The following PCDHGB7 variants were observed in gnomAD, a reference collection of about 807,000 sequenced individuals.
The protein encoded by PCDHGB7 is protocadherin gamma subfamily B, 7.
A neutral mutation model predicts 61.4 loss-of-function variants in PCDHGB7; 37 were observed. That is an observed-to-expected ratio of 0.60 (90% CI 0.46 to 0.79). The LOEUF (loss-of-function observed/expected upper bound fraction) is 0.79. PCDHGB7 is among the 30% of genes least tolerant of loss of function. The pLI is 0.00. For synonymous variants in PCDHGB7, 464 were observed against 503.5 expected (o/e 0.92, Z 1.05); for missense variants, 1,166 against 1,202.5 (o/e 0.97, Z 0.45).
intron 1 of PCDHGB7, chr5:141,422,952 C>A (rs759618535): frequency 6.2e-7 from 1 of 1,614,254 alleles, no homozygotes; most frequent in Non-Finnish European, 8.5e-7. Context: ...GCTCCACTGG[C>A]GTGGAGCTGG....
At chr5:141,458,438 C>T (rs2098945825) in intron 1 of PCDHGB7, among the ~76,000 whole-genome samples, 1 of 152,024 alleles carries the variant, frequency 6.6e-6, no homozygotes, top group Non-Finnish European at 1.5e-5. Flanking sequence ...GAGGAGGTCC[C>T]CCACATTAAC....
chr5:141,483,833 G>A (rs964111814), intron 1 of PCDHGB7, among the ~76,000 whole-genome samples: 1 of 152,116 alleles, frequency 6.6e-6, no homozygotes, highest in Admixed American at 6.5e-5. Flanking sequence ...CCTAGGTAAG[G>A]ACTTGGTTGA....
intron 1 of PCDHGB7, chr5:141,422,871 G>T (rs769543752): frequency 3.7e-6 from 6 of 1,614,098 alleles, no homozygotes; most frequent in Non-Finnish European, 5.1e-6. Context: ...GCAACGTGTC[G>T]CTGAGCCTGT....
In PCDHGB7 at chr5:141,431,889, A is replaced by G; in HGVS notation, c.2415+11615A>G. 1 of 1,614,170 alleles carries G rather than the reference A, an allele frequency of 6.2e-7. No homozygotes were observed. The highest frequency in any genetic ancestry group is 2.2e-5 in the East Asian group (1 of 44,888). On this transcript the variant is annotated intron_variant, in intron 1 of 3. Transcript: ENST00000398594. The surrounding 1 kb of genome is among the most constrained non-coding windows in gnomAD (Gnocchi z 4.8). The stretch of plus-strand genomic sequence containing the variant: ...TTAAATGTAAATGACCAAGATTCTG[A>G]GGAAAACGGACAGGTGATCTGTTTC...
chr5:141,510,222 G>A (rs891688596), intron 3 of PCDHGB7, among the ~76,000 whole-genome samples: 3 of 151,498 alleles, frequency 2.0e-5, no homozygotes, highest in Admixed American at 6.6e-5. Context: ...GCAGTGAGCC[G>A]GGATCGCGCC....
At chr5:141,451,468 C>G (rs2098716484) in intron 1 of PCDHGB7, among the ~76,000 whole-genome samples, 1 of 152,202 alleles carries the variant, frequency 6.6e-6, no homozygotes, top group South Asian at 2.1e-4. Context: ...AGGTCTACCT[C>G]AGTTCCTTGC....
At chr5:141,499,289 C>T in intron 2 of PCDHGB7, among the ~76,000 whole-genome samples, 1 of 152,212 alleles carries the variant, frequency 6.6e-6, no homozygotes, top group African/African-American at 2.4e-5. Context: ...GATGGCTCCA[C>T]ACTACCATCC....
rs1188941232 is a variant in PCDHGB7, at chr5:141,512,270, G to A, written c.*1097G>A. ...TCTGTGGGTGCTGGGTACTCCAGAG[G>A]TGCCACTGGTGGAAGGGTCAGCGGA... On this transcript the variant is annotated 3_prime_UTR_variant, in exon 4 of 4. Coordinates refer to ENST00000398594, the MANE Select transcript of PCDHGB7 (RefSeq NM_018927.4). The A allele has an allele frequency of 1.3e-5, 2 of 152,714 alleles. No individual in the cohort carries two copies. The highest frequency in any genetic ancestry group is 2.9e-5 in the Non-Finnish European group (2 of 68,100). The allele number at this position is 152,714 out of a possible 1,614,324, so 9.5% of individuals were successfully genotyped here.
chr5:141,477,245 A>G lies in PCDHGB7; in HGVS notation c.2416-17562A>G. On this transcript the variant is annotated intron_variant, in intron 1 of 3. Transcript: ENST00000398594. The surrounding 1 kb of genome is among the most constrained non-coding windows in gnomAD (Gnocchi z 4.9). ...GACTGTCATCGCTTTGCTCAGTGTG[A>G]CTGACCTGGATGCTGGCGAGAACGG... 3.7e-6 allele frequency: 6 copies of G among 1,614,128 alleles called. No homozygotes were observed. The highest frequency in any genetic ancestry group is 5.1e-6 in the Non-Finnish European group (6 of 1,180,026).
chr5:141,432,991 C>T lies in PCDHGB7; in HGVS notation c.2415+12717C>T. ...CGGCGTCGCACTTTGTGGGCGTGGA[C>T]GGGGTGCAGGCTTTCCTGCAGACCT... is the stretch of plus-strand genomic sequence containing the variant. On this transcript the variant is annotated intron_variant, in intron 1 of 3. Coordinates refer to ENST00000398594, the MANE Select transcript of PCDHGB7 (RefSeq NM_018927.4). This position sits in a 1 kb window ranked among gnomAD's most constrained non-coding sequence, Gnocchi z 6.0. 6.2e-7 allele frequency: 1 copy of T among 1,614,200 alleles called. No individual in the cohort carries two copies. The highest frequency in any genetic ancestry group is 8.5e-7 in the Non-Finnish European group (1 of 1,180,030).
intron 1 of PCDHGB7, among the ~76,000 whole-genome samples, chr5:141,492,221 G>C (rs62379206): frequency 0.18 from 27,189 of 152,134 alleles, 2,633 homozygotes; most frequent in Admixed American, 0.28. Context: ...GGGCTCATGC[G>C]TGTCCTCCCT....
Position 141,423,286 on chromosome 5 carries a change from ACCT to A in PCDHGB7, c.2415+3014_2415+3016del, listed in dbSNP as rs554024395. 8.7e-3 allele frequency: 13,966 copies of A among 1,613,746 alleles called. 98 individuals are homozygous for A. The highest frequency in any genetic ancestry group is 0.011 in the Middle Eastern group (68 of 6,062). ...CCTCGAGTCTCTGGCTAACTCTGAAACCTCAGACCTCTCGCTGTACTTGGTGGT... is the reference window on the plus strand; with the variant it reads ...CCTCGAGTCTCTGGCTAACTCTGAAACAGACCTCTCGCTGTACTTGGTGGT... On this transcript the variant is annotated intron_variant, in intron 1 of 3. Transcript: ENST00000398594.
intron 1 of PCDHGB7, among the ~76,000 whole-genome samples, chr5:141,444,885 T>C (rs547403761): frequency 6.6e-6 from 1 of 152,320 alleles, no homozygotes; most frequent in African/African-American, 2.4e-5. Flanking sequence ...TGTAGGATTT[T>C]TGAATGGGAT....
chr5:141,437,094 G>A (rs1183502010), intron 1 of PCDHGB7, among the ~76,000 whole-genome samples: 3 of 152,126 alleles, frequency 2.0e-5, no homozygotes, highest in African/African-American at 4.8e-5. Context: ...TGAAACTAAC[G>A]GCTTAGCTTT....
chr5:141,496,923 C>T (rs963522127), intron 2 of PCDHGB7, among the ~76,000 whole-genome samples: 9 of 150,728 alleles, frequency 6.0e-5, no homozygotes, highest in East Asian at 1.9e-4. Context: ...CTGTGGTTCA[C>T]GCCTGTAATC....
intron 3 of PCDHGB7, 43 bp downstream of exon 3, chr5:141,505,524 G>A: frequency 6.2e-7 from 1 of 1,612,712 alleles, no homozygotes; most frequent in Non-Finnish European, 8.5e-7. Context: ...GGAGACCTGG[G>A]GTTCTGGGGT....
rs1399333996 is a variant in PCDHGB7 at position 141,418,726 on chromosome 5, G to C, written c.867G>C (p.Gln289His). 6.2e-7 allele frequency: 1 copy of C among 1,613,986 alleles called. No homozygotes were observed. Among genetic ancestry groups the C allele is most frequent in the Non-Finnish European group, 8.5e-7 (1 of 1,179,870 alleles). ...TCTTTGGTGTGGCTGACAAAGCTCA[G>C]CACGTGTTCTCTCTGGATTACACTA... ...YSFFGVADKA[Q>H]HVFSLDYTTG... Residue 289 changes from glutamine to histidine, a missense_variant, in exon 1 of 4, where the codon CAG becomes CAC. Transcript: ENST00000398594.
chr5:141,428,186 C>CCGCTCTCTG, intron 1 of PCDHGB7: 2 of 1,460,956 alleles, frequency 1.4e-6, no homozygotes, highest in Non-Finnish European at 1.9e-6. Flanking sequence ...AGGACAGCCG[C>CCGCTCTCTG]CGCTCTCTGC....
Position 141,476,035 on chromosome 5 carries a change from C to A in PCDHGB7, c.2416-18772C>A. On this transcript the variant is annotated intron_variant, in intron 1 of 3. Coordinates refer to ENST00000398594, the MANE Select transcript of PCDHGB7 (RefSeq NM_018927.4). This position sits in a 1 kb window ranked among gnomAD's most constrained non-coding sequence, Gnocchi z 7.6. ...CATGTCGGACTCGGCGCCCAGCGCCCAAGCGCTAACCCGCTGAAAGTTTCT... is the reference window on the plus strand; with the variant it reads ...CATGTCGGACTCGGCGCCCAGCGCCAAAGCGCTAACCCGCTGAAAGTTTCT... The A allele has an allele frequency of 1.4e-6, 2 of 1,466,592 alleles. No individual in the cohort carries two copies. The highest frequency in any genetic ancestry group is 1.8e-6 in the Non-Finnish European group (2 of 1,102,494). 90.8% of individuals were successfully genotyped at this position (1,466,592 alleles called of 1,614,324 possible). A position where few individuals can be genotyped will look rare whatever the true frequency, so the allele number is the denominator to read the frequency against.
Sources: allele counts gnomAD v4.1 joint callset (sites outside exome capture counted in the v4.1 genomes callset), GRCh38; gene constraint gnomAD v4.1.1; non-coding constraint Gnocchi (gnomAD v3.1); transcripts MANE v1.5; gene names NCBI Gene and HGNC (gene_info 2026-07-23, HGNC 2026-07-21).